Variants in PATJ observed in about 807,000 individuals in gnomAD.
PATJ encodes the protein PATJ crumbs cell polarity complex component.
Under a neutral mutation model 224.9 loss-of-function variants are expected in PATJ, and 190 were observed. The ratio of observed to expected loss-of-function variants is 0.84; its 90% confidence interval spans 0.75 to 0.95. The LOEUF (loss-of-function observed/expected upper bound fraction) is 0.95, where lower values mean the gene tolerates loss of function less well. Among genes scored for constraint, PATJ ranks in the 40% least tolerant of loss-of-function variants. PATJ has a pLI of 0.00. For synonymous variants in PATJ, 769 were observed against 820.3 expected (o/e 0.94, Z 1.07); for missense variants, 2,121 against 2,270.3 (o/e 0.93, Z 1.34).
At position 61,787,943 on chromosome 1, in the gene PATJ, C is replaced by A; in HGVS notation, c.1039C>A (p.Pro347Thr). 6.2e-7 allele frequency: 1 copy of A among 1,613,546 alleles called. No homozygotes were observed. The highest frequency in any genetic ancestry group is 8.5e-7 in the Non-Finnish European group (1 of 1,179,922). Reference sequence around the variant, plus strand: ...CCCTGCAGCCTTACCTGTTGCCCTGCCTACTGTAGCCAGCAAGGGCCCTGG... The same window carrying A: ...CCCTGCAGCCTTACCTGTTGCCCTGACTACTGTAGCCAGCAAGGGCCCTGG... ...PAPAALPVAL[P>T]TVASKGPGSD... The change falls in exon 8 of 44, where the codon CCT becomes ACT. Residue 347 changes from proline (P) to threonine (T), a missense_variant. Pro to Thr is a conservative substitution (Grantham distance 38, BLOSUM62 -1). Transcript: ENST00000642238.
At chr1:62,034,445 A>C (rs1649969415) in intron 29 of PATJ, among the ~76,000 whole-genome samples, 1 of 79,454 alleles carries the variant, frequency 1.3e-5, no homozygotes, top group African/African-American at 4.5e-5. Context: ...TCTGTCTCAA[A>C]AAAAAAAAAA....
chr1:61,893,489 T>G (rs1669888825), intron 22 of PATJ, among the ~76,000 whole-genome samples: 2 of 134,300 alleles, frequency 1.5e-5, no homozygotes, highest in African/African-American at 5.8e-5. Context: ...TAGGGTGTTT[T>G]TTTTTTTTTT....
intron 29 of PATJ, among the ~76,000 whole-genome samples, chr1:62,034,970 T>C (rs1295129353): frequency 1.3e-5 from 2 of 152,222 alleles, no homozygotes; most frequent in Non-Finnish European, 2.9e-5. Context: ...ATTTAATTAC[T>C]GCCAAGTATA....
chr1:62,126,489 C>A (rs566737931), intron 39 of PATJ, among the ~76,000 whole-genome samples: 49 of 152,296 alleles, frequency 3.2e-4, no homozygotes, highest in South Asian at 1.0e-3. Flanking sequence ...GCCTGTGCTG[C>A]CATGCCAGAA....
At chr1:62,061,286 A>G (rs149608676) in intron 31 of PATJ, among the ~76,000 whole-genome samples, 9 of 151,490 alleles carry the variant, frequency 5.9e-5, no homozygotes, top group African/African-American at 1.9e-4. Flanking sequence ...GGTTCAAGCA[A>G]TTCTCCTGCC....
chr1:61,767,415 T>G (rs1163906080), intron 4 of PATJ, among the ~76,000 whole-genome samples: 1 of 152,114 alleles, frequency 6.6e-6, no homozygotes, highest in African/African-American at 2.4e-5. Flanking sequence ...GGCACTCACC[T>G]GTAGCTCCAG....
intron 38 of PATJ, among the ~76,000 whole-genome samples, chr1:62,121,757 G>C (rs1665080051): frequency 7.0e-6 from 1 of 143,876 alleles, no homozygotes; most frequent in Admixed American, 7.2e-5. Flanking sequence ...CTGGGTGACA[G>C]AGCAAGACTC....
chr1:61,806,769 ACTTAT>A lies in PATJ; in HGVS notation c.1626+1250_1626+1254del, dbSNP rs554171675. ...TATCACCTAGCAAATGGCATTTCCT[ACTTAT>A]CTTAGTGGTTTGGTATTCAAATAAA... On this transcript the variant is annotated intron_variant, in intron 13 of 43. Coordinates refer to ENST00000642238, the MANE Select transcript of PATJ (RefSeq NM_001350145.3). Among the ~76,000 whole-genome samples, 839 of 152,220 alleles carry A rather than the reference ACTTAT, an allele frequency of 5.5e-3. 8 individuals carry two copies. The highest frequency in any genetic ancestry group is 0.018 in the African/African-American group (768 of 41,528).
chr1:62,103,733 A>G (rs1396096699), intron 33 of PATJ, among the ~76,000 whole-genome samples: 1 of 152,012 alleles, frequency 6.6e-6, no homozygotes, highest in African/African-American at 2.4e-5. Context: ...CAGCCTGGGC[A>G]AAAGAGTAAG....
chr1:61,790,207 G>GGAA (rs1553161178), intron 8 of PATJ, among the ~76,000 whole-genome samples: 1 of 114,134 alleles, frequency 8.8e-6, no homozygotes, highest in African/African-American at 3.2e-5. Flanking sequence ...CTGTCTCTGA[G>GGAA]AAAAAAAAAA....
chr1:62,017,909 T>C lies in PATJ; in HGVS notation c.3921T>C (p.Ile1307=). 6.2e-7 allele frequency: 1 copy of C among 1,612,652 alleles called. No individual in the cohort carries two copies. Among genetic ancestry groups the C allele is most frequent in the African/African-American group, 1.3e-5 (1 of 74,994 alleles). Residue 1307 remains isoleucine (I), a synonymous_variant, in exon 29 of 44, where the codon ATT becomes ATC. Transcript: ENST00000642238. ...GRSHQNASAI[I]KTAPSKVKLV... ...GTCACCAAAATGCATCTGCCATTAT[T>C]AAGACTGCCCCATCAAAGGTCAAGC...
chr1:62,139,841 C>G (rs1053823053), intron 41 of PATJ, among the ~76,000 whole-genome samples: 1 of 151,534 alleles, frequency 6.6e-6, no homozygotes, highest in Admixed American at 6.6e-5. Context: ...CGTGCTGTAG[C>G]CTCAACCTCC....
chr1:61,895,647 C>T (rs1363165733), intron 22 of PATJ, among the ~76,000 whole-genome samples: 2 of 128,652 alleles, frequency 1.6e-5, no homozygotes, highest in Non-Finnish European at 1.7e-5. Flanking sequence ...GTCTGGATGT[C>T]CAGGCAGAAG....
At chr1:61,812,433 AGT>A (rs71050167) in intron 14 of PATJ, among the ~76,000 whole-genome samples, 15,745 of 84,138 alleles carry the variant, frequency 0.19, 1,232 homozygotes, top group Non-Finnish European at 0.21. Flanking sequence ...AGAGAGAGAG[AGT>A]GTGTGTGTGT....
chr1:61,853,487 T>C (rs1179143490), intron 17 of PATJ, among the ~76,000 whole-genome samples: 1 of 152,214 alleles, frequency 6.6e-6, no homozygotes, highest in East Asian at 1.9e-4. Context: ...TAATGTTAGC[T>C]GCTGGGCAGT....
intron 24 of PATJ, among the ~76,000 whole-genome samples, chr1:61,903,243 G>A (rs1385613459): frequency 6.6e-6 from 1 of 152,228 alleles, no homozygotes; most frequent in Non-Finnish European, 1.5e-5. Context: ...AAGAATGGCG[G>A]CCTGGACCAG....
At chr1:61,991,357 C>A in intron 28 of PATJ, 1 of 274,982 alleles carries the variant, frequency 3.6e-6, no homozygotes, top group Non-Finnish European at 5.5e-6. Flanking sequence ...TGCTTTAAAG[C>A]CTATTTGTTA....
At chr1:61,887,311 G>A (rs72676225) in intron 22 of PATJ, among the ~76,000 whole-genome samples, 5,742 of 152,246 alleles carry the variant, frequency 0.038, 146 homozygotes, top group East Asian at 0.096. Flanking sequence ...AGGTCTGGAT[G>A]TAGGTACTTT....
intron 33 of PATJ, among the ~76,000 whole-genome samples, chr1:62,103,906 A>C (rs1662550954): frequency 6.6e-6 from 1 of 152,200 alleles, no homozygotes; most frequent in Non-Finnish European, 1.5e-5. Flanking sequence ...CACGGCCAAC[A>C]GTAGCAGGGC....
Sources: gnomAD v4.1 joint callset for allele counts (sites outside exome capture counted in the v4.1 genomes callset) on GRCh38, gnomAD v4.1.1 for gene constraint, MANE v1.5 for transcripts, NCBI Gene and HGNC (gene_info 2026-07-23, HGNC 2026-07-21) for gene names.